The following RUVBL1 variants were observed in gnomAD, a reference collection of about 807,000 sequenced individuals.
The protein encoded by RUVBL1 is RuvB like AAA ATPase 1, also known as ruvB-like 1.
A neutral mutation model predicts 52.4 loss-of-function variants in RUVBL1; 4 were observed. That is an observed-to-expected ratio of 0.08 (90% confidence interval 0.04 to 0.17). RUVBL1 has a LOEUF of 0.17. RUVBL1 is among the 10% of genes least tolerant of loss of function. The probability of loss-of-function intolerance (pLI) is 1.00; values close to 1 mark genes in which losing one functional copy is unlikely to be tolerated. For synonymous variants in RUVBL1, 217 were observed against 214.4 expected (o/e 1.01, Z -0.10); for missense variants, 298 against 572.8 (o/e 0.52, Z 4.90).
chr3:128,119,298 T>C (rs1943590949), intron 2 of RUVBL1, 30 bp downstream of exon 2: 3 of 1,571,826 alleles, frequency 1.9e-6, no homozygotes, highest in African/African-American at 1.4e-5. Flanking sequence ...TTCTCCTGGG[T>C]AGATTTAAAA....
At chr3:128,139,118 C>T (rs1428448051) in intron 1 of RUVBL1, among the ~76,000 whole-genome samples, 1 of 152,122 alleles carries the variant, frequency 6.6e-6, no homozygotes, top group African/African-American at 2.4e-5. Context: ...AGAAACTCTC[C>T]AGGACATCCT....
At chr3:128,066,308 T>A (rs529267644) in intron 9 of RUVBL1, among the ~76,000 whole-genome samples, 56 of 152,022 alleles carry the variant, frequency 3.7e-4, no homozygotes, top group Non-Finnish European at 6.6e-4. Flanking sequence ...GGGATTTGGG[T>A]GTGTGGCCTC....
intron 1 of RUVBL1, among the ~76,000 whole-genome samples, chr3:128,147,696 CA>C (rs1944125403): frequency 6.6e-6 from 1 of 152,206 alleles, no homozygotes; most frequent in South Asian, 2.1e-4. Context: ...AACAGTTCAG[CA>C]GTTTCTTATA....
At chr3:128,078,593 T>A (rs1189143320), downstream of RUVBL1, 1 of 152,206 alleles carries the variant, frequency 6.6e-6, no homozygotes, top group Non-Finnish European at 1.5e-5. Flanking sequence ...CCACTTCCGA[T>A]GACCAGCCCC....
chr3:128,079,303 A>G (rs1307009825), downstream of RUVBL1, among the ~76,000 whole-genome samples: 5 of 152,222 alleles, frequency 3.3e-5, no homozygotes, highest in African/African-American at 1.2e-4. Flanking sequence ...CCAACACAGA[A>G]GGAGGCAGTA....
chr3:128,126,333 G>T (rs556615675), upstream of RUVBL1, among the ~76,000 whole-genome samples: 292 of 152,202 alleles, frequency 1.9e-3, 1 homozygote, highest in African/African-American at 6.6e-3. Flanking sequence ...ATCACCTGAG[G>T]TCAGGAGTTC....
At chr3:128,070,560 C>G (rs957705103) in intron 9 of RUVBL1, 6 of 152,232 alleles carry the variant, frequency 3.9e-5, no homozygotes, top group African/African-American at 7.2e-5. Flanking sequence ...TGCTCACAAG[C>G]CCCTACACCT....
Position 128,067,367 on chromosome 3 carries a change from A to G in RUVBL1, c.940-2147T>C. 2 of 1,554,192 alleles carry G rather than the reference A, an allele frequency of 1.3e-6. No homozygotes were observed. The highest frequency in any genetic ancestry group is 1.7e-6 in the Non-Finnish European group (2 of 1,146,630). ...TCTGCTCAGAACTATTTTTGCCTTG[A>G]TGCTAAAGTAAAATGAAGGAGCACT... On this transcript the variant is annotated intron_variant, in intron 9 of 9. Transcript: ENST00000464873. This position sits in a 1 kb window ranked among gnomAD's most constrained non-coding sequence, Gnocchi z 4.1.
At position 128,123,784 on chromosome 3, in the gene RUVBL1, G is replaced by A. The variant is rs972733552; in HGVS notation, c.-60C>T. On this transcript the variant is annotated 5_prime_UTR_variant, in exon 1 of 11. Coordinates refer to ENST00000322623, the MANE Select transcript of RUVBL1 (RefSeq NM_003707.3). Reference sequence around the variant, plus strand: ...AACCAGCAGCTAGGACAGTGCGCCCGGCGCCTGAGTTACCATGCGGCCGTT... The same window carrying A: ...AACCAGCAGCTAGGACAGTGCGCCCAGCGCCTGAGTTACCATGCGGCCGTT... 7.2e-6 allele frequency: 11 copies of A among 1,517,738 alleles called. No homozygotes were observed. Among genetic ancestry groups the A allele is most frequent in the East Asian group, 2.4e-5 (1 of 41,760 alleles). The allele number at this position is 1,517,738 out of a possible 1,614,324, so 94.0% of individuals were successfully genotyped here.
At chr3:128,153,261 G>T in exon 1 of RUVBL1, 1 of 1,350,462 alleles carries the variant, frequency 7.4e-7, no homozygotes, top group Admixed American at 3.9e-5. Flanking sequence ...GGCTCCTAGA[G>T]GCTTCAGGCA....
chr3:128,152,935 CT>C (rs1381117303), intron 1 of RUVBL1, among the ~76,000 whole-genome samples: 1 of 40,080 alleles, frequency 2.5e-5, no homozygotes. Flanking sequence ...TCCCCCCGCC[CT>C]CCCCCCCGCC....
rs758246713 is a variant in RUVBL1, at chr3:128,123,676, A to T, written c.49T>A (p.Ser17Thr). 9 of 1,612,012 alleles carry T rather than the reference A, an allele frequency of 5.6e-6. No homozygotes were observed. The highest frequency in any genetic ancestry group is 5.0e-5 in the Admixed American group (3 of 59,986). ...CCCAGCCCTTTCACGTGGCTGTGGG[A>T]GGCGATGCGCTGCGTCTTCGTAGTG... The part of the protein sequence containing the change: ...KSTTKTQRIA[S>T]HSHVKGLGLD... The change falls in exon 1 of 11, where the codon TCC becomes ACC. Residue 17 changes from serine to threonine, a missense_variant. Around this residue, in one of 5 missense-constraint regions of RUVBL1, gnomAD observed 71 missense variants for 125.7 expected, o/e 0.57. Coordinates refer to ENST00000322623, the MANE Select transcript of RUVBL1 (RefSeq NM_003707.3).
At chr3:128,153,716 A>C (rs1407889529) in exon 1 of RUVBL1, 2 of 1,580,766 alleles carry the variant, frequency 1.3e-6, no homozygotes, top group Admixed American at 3.4e-5. Context: ...TCTTTGCCCG[A>C]GTTCCAGGCA....
chr3:128,068,413 T>C (rs1288470335), intron 9 of RUVBL1, among the ~76,000 whole-genome samples: 2 of 152,158 alleles, frequency 1.3e-5, no homozygotes, highest in African/African-American at 4.8e-5. Flanking sequence ...GAGAGCGCCC[T>C]GGAGGAGGGT....
At chr3:128,110,703 TG>T (rs1356274724) in intron 3 of RUVBL1, among the ~76,000 whole-genome samples, 1 of 152,160 alleles carries the variant, frequency 6.6e-6, no homozygotes, top group East Asian at 1.9e-4. Flanking sequence ...TCAATGCTTA[TG>T]GGGACCTGGT....
chr3:128,134,767 C>T (rs1184180368), intron 1 of RUVBL1, among the ~76,000 whole-genome samples: 2 of 151,244 alleles, frequency 1.3e-5, no homozygotes, highest in Non-Finnish European at 2.9e-5. Flanking sequence ...CACCACCGCA[C>T]TCCAGCCTGG....
chr3:128,146,759 A>G (rs1040793798), intron 1 of RUVBL1, among the ~76,000 whole-genome samples: 9 of 143,548 alleles, frequency 6.3e-5, no homozygotes, highest in African/African-American at 2.1e-4. Flanking sequence ...GTGTGTACGT[A>G]CATCTGTGTG....
At chr3:128,139,197 A>T (rs1943985541) in intron 1 of RUVBL1, among the ~76,000 whole-genome samples, 1 of 152,196 alleles carries the variant, frequency 6.6e-6, no homozygotes, top group Non-Finnish European at 1.5e-5. Flanking sequence ...GGCAAATGAG[A>T]TTATATAAAG....
chr3:128,069,829 T>C, intron 9 of RUVBL1: 3 of 686,636 alleles, frequency 4.4e-6, no homozygotes, highest in Non-Finnish European at 7.1e-6. Flanking sequence ...ATTTAAAATT[T>C]TGCTTTTTAT....
Sources: gnomAD v4.1 joint callset for allele counts (sites outside exome capture counted in the v4.1 genomes callset) on GRCh38, gnomAD v4.1.1 for gene constraint, gnomAD v4.1.1 regional missense constraint, Gnocchi (gnomAD v3.1) non-coding constraint, MANE v1.5 for transcripts, NCBI Gene and HGNC (gene_info 2026-07-23, HGNC 2026-07-21) for gene names.